FAM186A: variants seen among roughly 807,000 people sequenced by gnomAD.
The protein encoded by FAM186A is protein FAM186A.
Under a neutral mutation model 216.8 loss-of-function variants are expected in FAM186A, and 163 were observed. That is an observed-to-expected ratio of 0.75 (90% CI 0.66 to 0.86). The LOEUF (loss-of-function observed/expected upper bound fraction) is 0.86, where lower values mean the gene tolerates loss of function less well. Among genes scored for constraint, FAM186A ranks in the 40% least tolerant of loss-of-function variants. FAM186A has a pLI of 0.00. For synonymous variants in FAM186A, 805 were observed against 1,025.3 expected (o/e 0.79, Z 4.10); for missense variants, 2,184 against 2,746.2 (o/e 0.80, Z 4.58).
At chr12:50,384,741 G>A (rs546136902) in intron 1 of FAM186A, among the ~76,000 whole-genome samples, 12 of 152,090 alleles carry the variant, frequency 7.9e-5, no homozygotes, top group South Asian at 2.1e-4. Flanking sequence ...GGATATCCAC[G>A]TACAGAAGAA....
In FAM186A at chr12:50,333,983, C is replaced by G. The variant is rs1942681698; in HGVS notation, c.6624G>C (p.Trp2208Cys). The change falls in exon 5 of 8, where the codon TGG becomes TGC. Residue 2208 changes from tryptophan (W) to cysteine (C), a missense_variant. By Grantham distance (215) the Trp-to-Cys change is radical. Coordinates refer to ENST00000327337, the MANE Select transcript of FAM186A (RefSeq NM_001145475.3). ...DDYGKKVMQVWTEKQKSLGQK... is the reference protein window; with the variant it reads ...DDYGKKVMQVCTEKQKSLGQK... ...GCCCTAGAGACTTCTGCTTCTCAGT[C>G]CAGACCTGCATCACCTTTTTCCCGT... 1 of 1,551,592 alleles carries G rather than the reference C, an allele frequency of 6.4e-7. No homozygotes were observed. The highest frequency in any genetic ancestry group is 1.4e-5 in the African/African-American group (1 of 73,036).
Position 50,331,758 on chromosome 12 carries a change from T to A in FAM186A, c.6760A>T (p.Ile2254Leu). 1.3e-6 allele frequency: 2 copies of A among 1,550,062 alleles called. No homozygotes were observed. The highest frequency in any genetic ancestry group is 1.7e-6 in the Non-Finnish European group (2 of 1,146,580). The change falls in exon 6 of 8, where the codon ATA becomes TTA. Residue 2254 changes from isoleucine (I) to leucine (L), a missense_variant. Physicochemically the swap from Ile to Leu is conservative, Grantham distance 5. Around this residue, in one of 7 missense-constraint regions of FAM186A, gnomAD observed 721 missense variants for 816.4 expected, o/e 0.88. Transcript: ENST00000327337. ...TGAACAAATGTGGTAGAGGCAGGTA[T>A]CTGCTTTTCTTCGATGATTAAGGGG... ...PIPLIIEEKQIPASTTFVQKP... is the reference protein window; with the variant it reads ...PIPLIIEEKQLPASTTFVQKP...
chr12:50,358,581 AAAAAC>A (rs961560540), intron 3 of FAM186A, among the ~76,000 whole-genome samples: 3 of 152,018 alleles, frequency 2.0e-5, no homozygotes, highest in East Asian at 3.9e-4. Flanking sequence ...AAATCCTGTC[AAAAAC>A]AAAACAAAAC....
chr12:50,369,216 C>A lies in FAM186A; in HGVS notation c.193-5852G>T, dbSNP rs138517239. On this transcript the variant is annotated intron_variant, in intron 1 of 7. Transcript: ENST00000327337. ...AGTAAAAATAGATAAATGGGCTGGG[C>A]ACGGTGGCTCACTCCTGTAATCCCA... Among the ~76,000 whole-genome samples the A allele has an allele frequency of 1.0e-3, 156 of 152,130 alleles. 1 individual carries two copies. The highest frequency in any genetic ancestry group is 2.9e-3 in the African/African-American group (119 of 41,520).
intron 4 of FAM186A, among the ~76,000 whole-genome samples, chr12:50,346,220 G>GGAAAGAAAGAAAAGAAAGAAA (rs1942812813): frequency 2.1e-5 from 1 of 46,744 alleles, no homozygotes; most frequent in African/African-American, 9.3e-5. Context: ...AGAGAGAGAA[G>GGAAAGAAAGAAAAGAAAGAAA]GAAAGAAAGA....
chr12:50,350,816 T>C lies in FAM186A; in HGVS notation c.6016A>G (p.Thr2006Ala). The change falls in exon 4 of 8, where the codon ACT becomes GCT. Residue 2006 changes from threonine (T) to alanine (A), a missense_variant. By Grantham distance (58) the Thr-to-Ala change is moderately conservative. Around this residue, in one of 7 missense-constraint regions of FAM186A, gnomAD observed 721 missense variants for 816.4 expected, o/e 0.88. Transcript: ENST00000327337. ...TSEETQILRD[T>A]FAIESFRTFQ... ...GTTCTAAATGATTCTATAGCAAAAG[T>C]GTCTCGAAGTATCTGGGTTTCTTCG... 1 of 1,551,694 alleles carries C rather than the reference T, an allele frequency of 6.4e-7. No individual in the cohort carries two copies. Among genetic ancestry groups the C allele is most frequent in the Non-Finnish European group, 8.7e-7 (1 of 1,146,998 alleles).
At position 50,356,691 on chromosome 12, in the gene FAM186A, G is replaced by A. The variant is rs563415091; in HGVS notation, c.584-443C>T. Among the ~76,000 whole-genome samples, 374 of 152,244 alleles carry A rather than the reference G, an allele frequency of 2.5e-3. 1 individual carries two copies. Among genetic ancestry groups the A allele is most frequent in the African/African-American group, 8.3e-3 (346 of 41,552 alleles). On this transcript the variant is annotated intron_variant, in intron 3 of 7. Coordinates refer to ENST00000327337, the MANE Select transcript of FAM186A (RefSeq NM_001145475.3). The stretch of plus-strand genomic sequence containing the variant: ...ACTTAATTTTAGTTACAAGTTTGGG[G>A]TTAGATATAATGTATCTAAGACAAG...
Position 50,394,732 on chromosome 12 carries a change from CTTTTTTTT to C in FAM186A, c.192+1553_192+1560del, listed in dbSNP as rs71083561. ...TGAGCCACTGTGCCTGGCTAACACT[CTTTTTTTT>C]TTTTTTTTTTTTTTTTTTTTAGAGA... On this transcript the variant is annotated intron_variant, in intron 1 of 7. Transcript: ENST00000327337. 4.4e-3 allele frequency among the ~76,000 whole-genome samples: 129 copies of C among 29,400 alleles called. 1 individual carries two copies. The highest frequency in any genetic ancestry group is 0.015 in the African/African-American group (97 of 6,438). 19.3% of individuals were successfully genotyped at this position (29,400 alleles called of 152,430 possible).
At position 50,352,577 on chromosome 12, in the gene FAM186A, A is replaced by C. The variant is rs550883696; in HGVS notation, c.4255T>G (p.Leu1419Val). ...IPLTPQQAQELGIPFTPQQAQ... is the reference protein window; with the variant it reads ...IPLTPQQAQEVGIPFTPQQAQ... ...TGCTGAGGGGTGAAAGGGATCCCCA[A>C]TTCCTGAGCCTGCTGAGGGGTGAGA... The change falls in exon 4 of 8, where the codon TTG becomes GTG. Residue 1419 changes from leucine (L) to valine (V), a missense_variant. Transcript: ENST00000327337. The C allele has an allele frequency of 1.7e-5, 23 of 1,381,368 alleles. 1 individual carries two copies. In the African/African-American group the frequency reaches 2.9e-4, roughly 18 times the overall value. The allele number at this position is 1,381,368 out of a possible 1,614,324, so 85.6% of individuals were successfully genotyped here. A position where few individuals can be genotyped will look rare whatever the true frequency, so the allele number is the denominator to read the frequency against.
intron 4 of FAM186A, among the ~76,000 whole-genome samples, chr12:50,336,815 C>A: frequency 6.7e-6 from 1 of 150,348 alleles, no homozygotes. Context: ...GAGTTTGGAT[C>A]TTCTCTTATT....
chr12:50,396,281 T>A lies in FAM186A; in HGVS notation c.192+12A>T. 6.7e-7 allele frequency: 1 copy of A among 1,493,734 alleles called. No individual in the cohort carries two copies. The highest frequency in any genetic ancestry group is 8.9e-7 in the Non-Finnish European group (1 of 1,118,926). The allele number at this position is 1,493,734 out of a possible 1,614,324, so 92.5% of individuals were successfully genotyped here. A position where few individuals can be genotyped will look rare whatever the true frequency, so the allele number is the denominator to read the frequency against. ...AAAATTGCAGTCTGTAAACTTCAGA[T>A]TCACTACCTACCTCTCTGGCTCGAT... is the stretch of plus-strand genomic sequence containing the variant. On this transcript the variant is annotated intron_variant, in intron 1 of 7. Coordinates refer to ENST00000327337, the MANE Select transcript of FAM186A (RefSeq NM_001145475.3).
intron 1 of FAM186A, among the ~76,000 whole-genome samples, chr12:50,385,030 C>T (rs1943288669): frequency 6.6e-6 from 1 of 151,928 alleles, no homozygotes; most frequent in Non-Finnish European, 1.5e-5. Flanking sequence ...GTGTCAACCT[C>T]CTGACCTCAG....
In FAM186A at chr12:50,355,482, A is replaced by G. The variant is rs1942965308; in HGVS notation, c.1350T>C (p.Asp450=). The change falls in exon 4 of 8, where the codon GAT becomes GAC. Residue 450 remains aspartate (D), a synonymous_variant. Transcript: ENST00000327337. Reference sequence around the variant, plus strand: ...TCCATGATTGATACTCATCAGTCTCATCTTCCTGATAGAAATCACCTTTCT... The same window carrying G: ...TCCATGATTGATACTCATCAGTCTCGTCTTCCTGATAGAAATCACCTTTCT... ...SLKKGDFYQE[D]ETDEYQSWKR... 1.3e-6 allele frequency: 2 copies of G among 1,551,204 alleles called. No individual in the cohort carries two copies. Among genetic ancestry groups the G allele is most frequent in the African/African-American group, 1.4e-5 (1 of 73,018 alleles).
chr12:50,355,461 T>C lies in FAM186A; in HGVS notation c.1371A>G (p.Ser457=). The part of the protein sequence containing the change: ...YQEDETDEYQ[S]WKRSHKKATY... Reference sequence around the variant, plus strand: ...TGGCTTTTTTGTGGCTTCTTTTCCATGATTGATACTCATCAGTCTCATCTT... The same window carrying C: ...TGGCTTTTTTGTGGCTTCTTTTCCACGATTGATACTCATCAGTCTCATCTT... The change falls in exon 4 of 8, where the codon TCA becomes TCG. Residue 457 remains serine (S), a synonymous_variant. Transcript: ENST00000327337. The C allele has an allele frequency of 1.3e-6, 2 of 1,551,154 alleles. No homozygotes were observed. The highest frequency in any genetic ancestry group is 2.4e-5 in the South Asian group (2 of 83,928).
In FAM186A at chr12:50,346,991, C is replaced by T. The variant is rs893664728; in HGVS notation, c.6503+3338G>A. Among the ~76,000 whole-genome samples the T allele has an allele frequency of 2.7e-3, 230 of 85,066 alleles. 1 individual carries two copies. Among genetic ancestry groups the T allele is most frequent in the African/African-American group, 9.6e-3 (225 of 23,452 alleles). 55.8% of individuals were successfully genotyped at this position (85,066 alleles called of 152,430 possible). A position where few individuals can be genotyped will look rare whatever the true frequency, so the allele number is the denominator to read the frequency against. On this transcript the variant is annotated intron_variant, in intron 4 of 7. Coordinates refer to ENST00000327337, the MANE Select transcript of FAM186A (RefSeq NM_001145475.3). ...TTGGCTTGGGTGACAGAGTAAGACT[C>T]TGTCTCAAAAAAAAAAAAAAAAAAA...
Position 50,363,380 on chromosome 12 carries a change from G to A in FAM186A, c.193-16C>T. On this transcript the variant is annotated splice_polypyrimidine_tract_variant and intron_variant, in intron 1 of 7. Transcript: ENST00000327337. Reference sequence around the variant, plus strand: ...TATCAATGTCCTGTCAGAATAAGAAGGGGGCATGTATTAATCTTCAGTTTG... The same window carrying A: ...TATCAATGTCCTGTCAGAATAAGAAAGGGGCATGTATTAATCTTCAGTTTG... 6.5e-7 allele frequency: 1 copy of A among 1,537,590 alleles called. No individual in the cohort carries two copies. The highest frequency in any genetic ancestry group is 2.5e-5 in the East Asian group (1 of 40,732).
At chr12:50,331,604 G>T in intron 6 of FAM186A, 66 bp downstream of exon 6, 1 of 1,417,778 alleles carries the variant, frequency 7.1e-7, no homozygotes. Flanking sequence ...AAGTTCTTGG[G>T]CAGGGAAAAA....
intron 1 of FAM186A, among the ~76,000 whole-genome samples, chr12:50,368,340 T>C (rs10747577): frequency 0.97 from 147,514 of 151,990 alleles, 71,735 homozygotes; most frequent in East Asian, 1. Context: ...GTGGATCCTG[T>C]AGTGAGCCAT....
chr12:50,351,859 A>G lies in FAM186A; in HGVS notation c.4973T>C (p.Val1658Ala). The change falls in exon 4 of 8, where the codon GTG becomes GCG. Residue 1658 changes from valine to alanine, a missense_variant. This residue lies in a region of FAM186A where 26 missense variants were observed against 44.5 expected (regional missense o/e 0.58). Transcript: ENST00000327337. ...CTCAGAGGTAAGAGTGACAGCTGAC[A>G]CCCAGGCATTTACTGGGGTGATGGG... The part of the protein sequence containing the change: ...GVPITPVNAW[V>A]SAVTLTSEQT... 3.9e-6 allele frequency: 6 copies of G among 1,543,662 alleles called. No homozygotes were observed. Among genetic ancestry groups the G allele is most frequent in the Non-Finnish European group, 5.2e-6 (6 of 1,142,956 alleles).
Sources: gnomAD v4.1 joint callset for allele counts (sites outside exome capture counted in the v4.1 genomes callset) on GRCh38, gnomAD v4.1.1 for gene constraint, gnomAD v4.1.1 regional missense constraint, MANE v1.5 for transcripts, NCBI Gene and HGNC (gene_info 2026-07-23, HGNC 2026-07-21) for gene names.